Variants in CACNA2D1 observed in about 807,000 individuals in gnomAD.
CACNA2D1 encodes voltage-dependent calcium channel subunit alpha-2/delta-1.
CACNA2D1 carries 53 observed loss-of-function variants against 171.5 expected under a neutral mutation model. The ratio of observed to expected loss-of-function variants is 0.31; its 90% confidence interval spans 0.25 to 0.39. The LOEUF (loss-of-function observed/expected upper bound fraction) is 0.39. Ranked by LOEUF, CACNA2D1 falls within the 10% of genes least tolerant of loss-of-function variation. The pLI is 1.00. For synonymous variants in CACNA2D1, 442 were observed against 443.1 expected, an observed-to-expected ratio of 1.00 and a Z score of 0.03; for missense variants, 903 against 1,299.8, an observed-to-expected ratio of 0.69 and a Z score of 4.69.
chr7:82,095,756 A>G (rs1287071383), intron 6 of CACNA2D1, among the ~76,000 whole-genome samples: 1 of 151,360 alleles, frequency 6.6e-6, no homozygotes, highest in Non-Finnish European at 1.5e-5. Flanking sequence ...ATCATATCTG[A>G]CCAAGTACAA....
intron 3 of CACNA2D1, among the ~76,000 whole-genome samples, chr7:82,280,999 A>C (rs1018374338): frequency 1.3e-5 from 2 of 152,144 alleles, no homozygotes; most frequent in African/African-American, 4.8e-5. Context: ...TGAAAATCCA[A>C]CTCAAATTGG....
intron 1 of CACNA2D1, among the ~76,000 whole-genome samples, chr7:82,376,509 C>A (rs951254736): frequency 1.3e-5 from 2 of 152,134 alleles, no homozygotes; most frequent in Non-Finnish European, 2.9e-5. Flanking sequence ...ATAGATATTC[C>A]AAAACAGCAG....
chr7:82,015,874 C>G (rs1800380540), intron 12 of CACNA2D1, among the ~76,000 whole-genome samples: 1 of 152,162 alleles, frequency 6.6e-6, no homozygotes, highest in African/African-American at 2.4e-5. Context: ...ATCCCTGCCC[C>G]CAAAACGTAC....
intron 12 of CACNA2D1, chr7:82,029,761 A>G (rs1802424252): frequency 6.6e-6 from 1 of 151,782 alleles, no homozygotes; most frequent in Non-Finnish European, 1.5e-5. Context: ...AGGCTTTTAT[A>G]TATGTATTAC....
intron 8 of CACNA2D1, among the ~76,000 whole-genome samples, chr7:82,065,075 G>A (rs1032891619): frequency 2.6e-5 from 4 of 151,666 alleles, no homozygotes; most frequent in Non-Finnish European, 5.9e-5. Context: ...ACTGGAATGG[G>A]GCCTGACTTC....
intron 1 of CACNA2D1, among the ~76,000 whole-genome samples, chr7:82,393,119 G>A (rs1413618858): frequency 8.1e-6 from 1 of 123,738 alleles, no homozygotes; most frequent in East Asian, 2.6e-4. Context: ...GGCAGGGAGG[G>A]AGGGAGGGAG....
At chr7:82,321,727 T>G (rs1815920734) in intron 3 of CACNA2D1, among the ~76,000 whole-genome samples, 1 of 152,134 alleles carries the variant, frequency 6.6e-6, no homozygotes, top group Non-Finnish European at 1.5e-5. Flanking sequence ...AAATGAGATA[T>G]TCTTCTAAAA....
At chr7:82,395,441 C>T (rs757639161) in intron 1 of CACNA2D1, among the ~76,000 whole-genome samples, 14 of 152,086 alleles carry the variant, frequency 9.2e-5, no homozygotes, top group Non-Finnish European at 1.9e-4. Context: ...TTAATTTTAA[C>T]GCTTTGTATT....
At chr7:82,364,369 AT>A (rs1255852940) in intron 1 of CACNA2D1, among the ~76,000 whole-genome samples, 1 of 152,190 alleles carries the variant, frequency 6.6e-6, no homozygotes, top group Non-Finnish European at 1.5e-5. Flanking sequence ...TTAAGGACCT[AT>A]TTATAGAGTC....
rs1325108407 is a variant in CACNA2D1, at chr7:82,443,234, G to C, written c.95+131C>G. The C allele has an allele frequency of 7.1e-6, 6 of 843,822 alleles. No homozygotes were observed. In the East Asian group the frequency reaches 2.0e-4, roughly 29 times the overall value. 52.3% of individuals were successfully genotyped at this position (843,822 alleles called of 1,614,324 possible). On this transcript the variant is annotated intron_variant, in intron 1 of 38. Coordinates refer to ENST00000356860, the MANE Select transcript of CACNA2D1 (RefSeq NM_000722.4). ...CCGCCTGCCCGGCGTCTCCGCATCC[G>C]AGCCTGGCTCCCCGGCCGCTCGCTC... is the stretch of plus-strand genomic sequence containing the variant.
chr7:81,969,809 G>T, intron 28 of CACNA2D1, 72 bp downstream of exon 28: 1 of 817,864 alleles, frequency 1.2e-6, no homozygotes, highest in Non-Finnish European at 2.1e-6. Context: ...GTGATTTGGG[G>T]GGAGAGCAGA....
chr7:82,130,293 A>G (rs764028432), intron 5 of CACNA2D1, among the ~76,000 whole-genome samples: 8 of 152,192 alleles, frequency 5.3e-5, no homozygotes, highest in Non-Finnish European at 8.8e-5. Context: ...TTCAAGAAGG[A>G]GAAACTTTCA....
chr7:82,050,825 A>G, intron 10 of CACNA2D1: 1 of 530,258 alleles, frequency 1.9e-6, no homozygotes. Flanking sequence ...ACTCAACAAC[A>G]TTTCAGCAAG....
At chr7:82,429,278 T>C (rs1829468597) in intron 1 of CACNA2D1, among the ~76,000 whole-genome samples, 2 of 152,216 alleles carry the variant, frequency 1.3e-5, no homozygotes, top group African/African-American at 4.8e-5. Context: ...TTGATGTTTA[T>C]TGTGTAATGT....
intron 11 of CACNA2D1, among the ~76,000 whole-genome samples, chr7:82,036,853 T>G (rs1584496983): frequency 6.6e-6 from 1 of 152,238 alleles, no homozygotes; most frequent in African/African-American, 2.4e-5. Flanking sequence ...ACAGACATTA[T>G]GATCTGACTT....
At chr7:82,069,045 T>C (rs1471216118) in intron 7 of CACNA2D1, among the ~76,000 whole-genome samples, 3 of 152,192 alleles carry the variant, frequency 2.0e-5, no homozygotes, top group Non-Finnish European at 4.4e-5. Flanking sequence ...TCTTAGGTAG[T>C]ATCCCTTGAT....
chr7:82,369,622 A>G lies in CACNA2D1; in HGVS notation c.96-19973T>C, dbSNP rs996530740. 3.3e-5 allele frequency among the ~76,000 whole-genome samples: 5 copies of G among 152,240 alleles called. No homozygotes were observed. The East Asian group carries it at 5.8e-4, about 18-fold the overall frequency. On this transcript the variant is annotated intron_variant, in intron 1 of 38. Transcript: ENST00000356860. ...AAATAAGCTGATTTCACCTATGACC[A>G]TAAGCAAAATCCTATATAAAATATT...
At position 82,443,487 on chromosome 7, in the gene CACNA2D1, C is replaced by G. The variant is rs1432322979; in HGVS notation, c.-28G>C. On this transcript the variant is annotated 5_prime_UTR_variant, in exon 1 of 39. Coordinates refer to ENST00000356860, the MANE Select transcript of CACNA2D1 (RefSeq NM_000722.4). ...TCGCGATCGAAGATCAATGCCCCCT[C>G]CCTGCCCAAGCGGGGGAAGGAGCGG... 1.9e-6 allele frequency: 3 copies of G among 1,602,120 alleles called. No homozygotes were observed. In the African/African-American group the frequency reaches 4.1e-5, roughly 22 times the overall value.
chr7:82,265,416 C>CT (rs765047961), intron 3 of CACNA2D1, among the ~76,000 whole-genome samples: 8,109 of 77,382 alleles, frequency 0.1, 536 homozygotes, highest in African/African-American at 0.18. Context: ...TTTTTCCTTT[C>CT]TTTTTTTTTT....
Sources: gnomAD v4.1 joint callset for allele counts (sites outside exome capture counted in the v4.1 genomes callset) on GRCh38, gnomAD v4.1.1 for gene constraint, MANE v1.5 for transcripts, NCBI Gene and HGNC (gene_info 2026-07-23, HGNC 2026-07-21) for gene names.